The following ZFR2 variants were observed in gnomAD, a reference collection of about 807,000 sequenced individuals.
ZFR2 encodes the protein zinc finger RNA-binding protein 2.
A neutral mutation model predicts 105.7 loss-of-function variants in ZFR2; 104 were observed. The ratio of observed to expected loss-of-function variants is 0.98; its 90% CI spans 0.84 to 1.16. The LOEUF (loss-of-function observed/expected upper bound fraction) is 1.16. Among genes scored for constraint, ZFR2 ranks in the 50% most tolerant of loss-of-function variants. The pLI, the probability that ZFR2 is intolerant of heterozygous loss-of-function variation, is 0.00. For synonymous variants in ZFR2, 634 were observed against 597.7 expected, an observed-to-expected ratio of 1.06 and a Z score of -0.89; for missense variants, 1,425 against 1,355.5, an observed-to-expected ratio of 1.05 and a Z score of -0.80.
At chr19:3,846,067 C>T (rs2038181731) in intron 1 of ZFR2, among the ~76,000 whole-genome samples, 1 of 152,248 alleles carries the variant, frequency 6.6e-6, no homozygotes, top group Non-Finnish European at 1.5e-5. Flanking sequence ...ACCTCTGCCC[C>T]CCAGGTTCAA....
At chr19:3,809,431 C>G (rs2037737773) in intron 16 of ZFR2, among the ~76,000 whole-genome samples, 1 of 152,178 alleles carries the variant, frequency 6.6e-6, no homozygotes. Flanking sequence ...CCACCCTATC[C>G]CACCACGTCC....
intron 1 of ZFR2, among the ~76,000 whole-genome samples, chr19:3,866,085 GCT>G (rs2038424223): frequency 2.6e-5 from 4 of 152,016 alleles, no homozygotes; most frequent in African/African-American, 9.7e-5. Context: ...CAAGCGATCC[GCT>G]TGCCTCGGCC....
Position 3,805,889 on chromosome 19 carries a change from G to A in ZFR2, c.*60C>T. ...TCGGGGATGAAGCAGCCATTGGTCGGCGCGCACACGTCCAGGAGTGCAGGG... is the reference window on the plus strand; with the variant it reads ...TCGGGGATGAAGCAGCCATTGGTCGACGCGCACACGTCCAGGAGTGCAGGG... On this transcript the variant is annotated 3_prime_UTR_variant, in exon 19 of 19. Coordinates refer to ENST00000262961, the MANE Select transcript of ZFR2 (RefSeq NM_015174.2). 1 of 1,437,466 alleles carries A rather than the reference G, an allele frequency of 7.0e-7. No individual in the cohort carries two copies. The highest frequency in any genetic ancestry group is 9.1e-7 in the Non-Finnish European group (1 of 1,094,826). The allele number at this position is 1,437,466 out of a possible 1,614,324, so 89.0% of individuals were successfully genotyped here. A position where few individuals can be genotyped will look rare whatever the true frequency, so the allele number is the denominator to read the frequency against.
At chr19:3,830,895 GCACA>G (rs145509353) in intron 5 of ZFR2, among the ~76,000 whole-genome samples, 2 of 151,548 alleles carry the variant, frequency 1.3e-5, no homozygotes, top group African/African-American at 4.8e-5. Context: ...AAGCACGCAT[GCACA>G]CACACACACG....
chr19:3,826,155 C>T (rs568301632), intron 6 of ZFR2, among the ~76,000 whole-genome samples: 33 of 152,170 alleles, frequency 2.2e-4, no homozygotes, highest in African/African-American at 7.0e-4. Context: ...CTCCTTCCCC[C>T]GTTTCTCTGC....
intron 1 of ZFR2, among the ~76,000 whole-genome samples, chr19:3,860,230 G>C (rs925908913): frequency 2.0e-5 from 3 of 150,364 alleles, no homozygotes; most frequent in Non-Finnish European, 3.0e-5. Flanking sequence ...AGATGGGGGG[G>C]GTCTCACTAT....
At chr19:3,852,064 G>T (rs988752412) in intron 1 of ZFR2, 1 of 262,848 alleles carries the variant, frequency 3.8e-6, no homozygotes, top group Non-Finnish European at 7.4e-6. Context: ...GGCCAGGCGG[G>T]GCTCAGCTGG....
At chr19:3,844,861 G>A (rs1051291268) in intron 1 of ZFR2, among the ~76,000 whole-genome samples, 6 of 152,164 alleles carry the variant, frequency 3.9e-5, no homozygotes, top group Admixed American at 6.6e-5. Flanking sequence ...GGAGCTCCCC[G>A]TGGCCCACTC....
At chr19:3,824,354 G>A (rs1417260414) in intron 7 of ZFR2, among the ~76,000 whole-genome samples, 3 of 152,162 alleles carry the variant, frequency 2.0e-5, no homozygotes, top group Non-Finnish European at 2.9e-5. Flanking sequence ...GTAAAGCGAA[G>A]CAATGCACAC....
chr19:3,848,209 C>T (rs766276670), intron 1 of ZFR2, among the ~76,000 whole-genome samples: 29 of 152,012 alleles, frequency 1.9e-4, no homozygotes, highest in Middle Eastern at 3.4e-3. Flanking sequence ...GTCAGGAGTT[C>T]GAGACCAGCC....
intron 5 of ZFR2, among the ~76,000 whole-genome samples, chr19:3,830,422 C>A (rs1050603254): frequency 1.3e-5 from 2 of 152,112 alleles, no homozygotes; most frequent in Non-Finnish European, 1.5e-5. Flanking sequence ...AGCAACAGAG[C>A]GAGACTTTGT....
chr19:3,814,490 C>T (rs996374557), intron 13 of ZFR2, among the ~76,000 whole-genome samples: 1 of 152,224 alleles, frequency 6.6e-6, no homozygotes, highest in Admixed American at 6.5e-5. Context: ...GCCTGGCCTC[C>T]CACCTGAAAC....
intron 2 of ZFR2, among the ~76,000 whole-genome samples, 185 bp from the exon 3 acceptor site, chr19:3,833,963 A>C (rs1409429202): frequency 7.2e-5 from 11 of 151,924 alleles, no homozygotes; most frequent in Non-Finnish European, 1.6e-4. Context: ...GGCAGGGGGC[A>C]GGGGGCGTGG....
At position 3,821,353 on chromosome 19, in the gene ZFR2, G is replaced by T; in HGVS notation, c.1618C>A (p.His540Asn). ...EERLEQLRRWHAERRRLEEEP... is the reference protein window; with the variant it reads ...EERLEQLRRWNAERRRLEEEP... Reference sequence around the variant, plus strand: ...GCAGCCGGGCACCTCCTCTCCGCGTGCCAGCGCCGCAGCTGCTCCAGCCGC... The same window carrying T: ...GCAGCCGGGCACCTCCTCTCCGCGTTCCAGCGCCGCAGCTGCTCCAGCCGC... Residue 540 changes from histidine to asparagine, a missense_variant, in exon 10 of 19, where the codon CAC (histidine) becomes AAC (asparagine). By Grantham distance (68) the His-to-Asn change is moderately conservative. Transcript: ENST00000262961. 1 of 1,599,362 alleles carries T rather than the reference G, an allele frequency of 6.3e-7. No homozygotes were observed. Among genetic ancestry groups the T allele is most frequent in the Non-Finnish European group, 8.5e-7 (1 of 1,174,752 alleles).
rs1223022661 is a variant in ZFR2, at chr19:3,862,392, G to T, written c.53+6573C>A. On this transcript the variant is annotated intron_variant, in intron 1 of 18. Coordinates refer to ENST00000262961, the MANE Select transcript of ZFR2 (RefSeq NM_015174.2). Reference sequence around the variant, plus strand: ...AGCTCACTGCAACCTCCACCTCCCGGATTCAAGCGATTCTCCTGCCTCAGC... The same window carrying T: ...AGCTCACTGCAACCTCCACCTCCCGTATTCAAGCGATTCTCCTGCCTCAGC... 3.3e-5 allele frequency among the ~76,000 whole-genome samples: 5 copies of T among 152,254 alleles called. No homozygotes were observed. In the East Asian group the frequency reaches 7.7e-4, roughly 24 times the overall value.
Position 3,805,915 on chromosome 19 carries a change from A to C in ZFR2, c.*34T>G. 1 of 1,503,816 alleles carries C rather than the reference A, an allele frequency of 6.6e-7. No homozygotes were observed. Among genetic ancestry groups the C allele is most frequent in the Non-Finnish European group, 8.8e-7 (1 of 1,131,108 alleles). The allele number at this position is 1,503,816 out of a possible 1,614,324, so 93.2% of individuals were successfully genotyped here. The stretch of plus-strand genomic sequence containing the variant: ...CGCGCACACGTCCAGGAGTGCAGGG[A>C]TGCAAAGGCCCGCAGGTGGGGGAGG... On this transcript the variant is annotated 3_prime_UTR_variant, in exon 19 of 19. Coordinates refer to ENST00000262961, the MANE Select transcript of ZFR2 (RefSeq NM_015174.2).
Position 3,823,429 on chromosome 19 carries a change from T to C in ZFR2, c.1214-26A>G. 1 of 1,566,650 alleles carries C rather than the reference T, an allele frequency of 6.4e-7. No individual in the cohort carries two copies. Among genetic ancestry groups the C allele is most frequent in the South Asian group, 1.2e-5 (1 of 84,092 alleles). ...CTGAGGGGAAAAACCATGTCACTTATACCCTGTTCCAGGAGAAAGCACTGC... is the reference window on the plus strand; with the variant it reads ...CTGAGGGGAAAAACCATGTCACTTACACCCTGTTCCAGGAGAAAGCACTGC... On this transcript the variant is annotated intron_variant, in intron 7 of 18. Coordinates refer to ENST00000262961, the MANE Select transcript of ZFR2 (RefSeq NM_015174.2). This position sits in a 1 kb window ranked among gnomAD's most constrained non-coding sequence, Gnocchi z 5.4.
In ZFR2 at chr19:3,831,501, A is replaced by G; in HGVS notation, c.654T>C (p.Tyr218=). 1 of 1,553,466 alleles carries G rather than the reference A, an allele frequency of 6.4e-7. No individual in the cohort carries two copies. Among genetic ancestry groups the G allele is most frequent in the African/African-American group, 1.4e-5 (1 of 73,274 alleles). Residue 218 remains tyrosine (Y), a synonymous_variant, in exon 5 of 19, where the codon TAT becomes TAC. Coordinates refer to ENST00000262961, the MANE Select transcript of ZFR2 (RefSeq NM_015174.2). ...GGGGAGGCGGGGGCTGCGCTGGAGG[A>G]TAGAAAGGGCTGGCAGCGGAGTACA... ...ASVYSAASPF[Y]PPAQPPPPPG...
At chr19:3,867,130 T>C (rs2038439210) in intron 1 of ZFR2, among the ~76,000 whole-genome samples, 1 of 126,064 alleles carries the variant, frequency 7.9e-6, no homozygotes, top group Non-Finnish European at 1.8e-5. Context: ...TGAAATGCAG[T>C]AGGAACACCG....
Sources: gnomAD v4.1 joint callset for allele counts (sites outside exome capture counted in the v4.1 genomes callset) on GRCh38, gnomAD v4.1.1 for gene constraint, Gnocchi (gnomAD v3.1) non-coding constraint, MANE v1.5 for transcripts, NCBI Gene and HGNC (gene_info 2026-07-23, HGNC 2026-07-21) for gene names.